RBFOX2: variants seen among roughly 807,000 people sequenced by gnomAD.
The protein encoded by RBFOX2 is RNA binding protein fox-1 homolog 2.
Under a neutral mutation model 49.1 loss-of-function variants are expected in RBFOX2, and 10 were observed. The ratio of observed to expected loss-of-function variants is 0.20; its 90% CI spans 0.13 to 0.35. RBFOX2 has a LOEUF of 0.35. Ranked by LOEUF, RBFOX2 falls within the 10% of genes least tolerant of loss-of-function variation. The pLI is 1.00. For missense variants in RBFOX2, 323 were observed against 486.9 expected (o/e 0.66, Z 3.17); for synonymous variants, 183 against 187.4 (o/e 0.98, Z 0.19).
At chr22:35,880,953 A>G (rs890709678) in intron 1 of RBFOX2, among the ~76,000 whole-genome samples, 3 of 152,190 alleles carry the variant, frequency 2.0e-5, no homozygotes, top group African/African-American at 7.2e-5. Flanking sequence ...CTGTAGGGGT[A>G]ATATCTAATT....
rs186600426 is a variant in RBFOX2 at position 36,006,642 on chromosome 22, C to T, written c.186+21598G>A. ...AGTGTGCGGATGAACTAACTACCAACGACACTTTGGGCAAATCCCTTGCTC... is the reference window on the plus strand; with the variant it reads ...AGTGTGCGGATGAACTAACTACCAATGACACTTTGGGCAAATCCCTTGCTC... On this transcript the variant is annotated intron_variant, in intron 1 of 13. Coordinates refer to the RBFOX2 transcript ENST00000438146. Among the ~76,000 whole-genome samples the T allele has an allele frequency of 3.8e-3, 574 of 152,328 alleles. 7 individuals carry two copies. The highest frequency in any genetic ancestry group is 0.034 in the Middle Eastern group (10 of 294).
At chr22:35,887,444 T>C (rs1283851084) in intron 1 of RBFOX2, among the ~76,000 whole-genome samples, 1 of 152,156 alleles carries the variant, frequency 6.6e-6, no homozygotes, top group Non-Finnish European at 1.5e-5. Flanking sequence ...TTCTGTGATA[T>C]TCTCTTTACT....
intron 1 of RBFOX2, among the ~76,000 whole-genome samples, chr22:36,002,350 G>A (rs1186067089): frequency 2.0e-5 from 3 of 151,892 alleles, no homozygotes; most frequent in Non-Finnish European, 2.9e-5. Flanking sequence ...CCTAAATGTC[G>A]AGCAATAGGA....
rs200559645 is a variant in RBFOX2 at position 35,762,266 on chromosome 22, G to T, written c.608-798C>A. On this transcript the variant is annotated intron_variant, in intron 6 of 11. Coordinates refer to ENST00000405409, the Ensembl canonical transcript of RBFOX2. ...TTCTTTCCCTTTTTTATATTTATAG[G>T]AATATGGCAAGTATTTTTTAAAAAG... Among the ~76,000 whole-genome samples the T allele has an allele frequency of 9.2e-5, 14 of 152,026 alleles. No homozygotes were observed. The East Asian group carries it at 2.5e-3, about 27-fold the overall frequency.
At position 35,824,569 on chromosome 22, in the gene RBFOX2, A is replaced by G. The variant is rs1484598029; in HGVS notation, c.28-14565T>C. On this transcript the variant is annotated intron_variant, in intron 1 of 11. Coordinates refer to ENST00000405409, the Ensembl canonical transcript of RBFOX2. ...GGAGAAGAAATGGGAGTCCTATGTT[A>G]GAAGTAGTCATCAGAAATGCTATTA... 2.0e-5 allele frequency among the ~76,000 whole-genome samples: 3 copies of G among 152,218 alleles called. No homozygotes were observed. In the East Asian group the frequency reaches 5.8e-4, roughly 29 times the overall value.
At chr22:35,919,722 C>T (rs1305717579) in intron 1 of RBFOX2, among the ~76,000 whole-genome samples, 1 of 152,056 alleles carries the variant, frequency 6.6e-6, no homozygotes, top group Non-Finnish European at 1.5e-5. Context: ...TTTTAAAGTG[C>T]CCTTGGAGAG....
chr22:35,932,635 C>T (rs2052563152), intron 1 of RBFOX2, among the ~76,000 whole-genome samples: 7 of 152,184 alleles, frequency 4.6e-5, no homozygotes, highest in Admixed American at 4.6e-4. Flanking sequence ...AATTCCAGCA[C>T]TTTGGGAGGC....
chr22:35,913,445 C>T (rs889086282), intron 1 of RBFOX2, among the ~76,000 whole-genome samples: 3 of 151,230 alleles, frequency 2.0e-5, no homozygotes, highest in Non-Finnish European at 4.4e-5. Context: ...TAAGGGAGCG[C>T]CTAACAGGAT....
At chr22:35,832,177 G>C (rs1956928099) in intron 1 of RBFOX2, among the ~76,000 whole-genome samples, 1 of 152,190 alleles carries the variant, frequency 6.6e-6, no homozygotes, top group South Asian at 2.1e-4. Context: ...TTCAAGACCA[G>C]TCTGGCCAAC....
intron 2 of RBFOX2, among the ~76,000 whole-genome samples, chr22:35,809,175 T>C (rs564212029): frequency 4.6e-5 from 7 of 152,164 alleles, no homozygotes; most frequent in Admixed American, 2.6e-4. Context: ...TTCTTTTAAA[T>C]TTCCTAACAG....
intron 2 of RBFOX2, among the ~76,000 whole-genome samples, chr22:35,786,627 C>T (rs539828689): frequency 1.3e-5 from 2 of 152,276 alleles, no homozygotes; most frequent in South Asian, 2.1e-4. Context: ...GGATTACAGG[C>T]GTGAGCCACA....
chr22:35,863,684 T>C (rs1287937865), intron 1 of RBFOX2, among the ~76,000 whole-genome samples: 1 of 152,220 alleles, frequency 6.6e-6, no homozygotes, highest in African/African-American at 2.4e-5. Flanking sequence ...TAATCTCTTC[T>C]GACTTTGATT....
At chr22:35,758,833 G>A (rs1489119481) in intron 9 of RBFOX2, among the ~76,000 whole-genome samples, 1 of 152,160 alleles carries the variant, frequency 6.6e-6, no homozygotes, top group Non-Finnish European at 1.5e-5. Flanking sequence ...ATGAATGAAT[G>A]AATGAATGCT....
intron 1 of RBFOX2, among the ~76,000 whole-genome samples, chr22:36,005,678 C>A (rs2058593862): frequency 6.6e-6 from 1 of 152,176 alleles, no homozygotes; most frequent in Non-Finnish European, 1.5e-5. Flanking sequence ...ATGTGTTCCA[C>A]TGAAAAAATC....
intron 1 of RBFOX2, among the ~76,000 whole-genome samples, chr22:35,912,196 G>C (rs931228978): frequency 6.6e-6 from 1 of 152,168 alleles, no homozygotes; most frequent in Admixed American, 6.5e-5. Flanking sequence ...TCTCTTATAT[G>C]AATCTCTCAG....
exon 12 of RBFOX2, chr22:35,738,736 T>C (rs1928254363): frequency 7.0e-6 from 1 of 141,924 alleles, no homozygotes. Flanking sequence ...GCCCAAAGAA[T>C]GGTGTTTCTC....
intron 1 of RBFOX2, among the ~76,000 whole-genome samples, chr22:36,025,494 A>AGTGAAC (rs1304635350): frequency 6.6e-6 from 1 of 152,194 alleles, no homozygotes; most frequent in Non-Finnish European, 1.5e-5. Flanking sequence ...CCATGACAGC[A>AGTGAAC]AGGGTTTTTT....
At chr22:35,871,740 G>A (rs1275967645) in intron 1 of RBFOX2, among the ~76,000 whole-genome samples, 1 of 152,176 alleles carries the variant, frequency 6.6e-6, no homozygotes, top group African/African-American at 2.4e-5. Flanking sequence ...TTCAGAGTTG[G>A]CTCAGGTTCC....
At chr22:35,991,192 G>A (rs929574874) in intron 1 of RBFOX2, among the ~76,000 whole-genome samples, 1 of 152,144 alleles carries the variant, frequency 6.6e-6, no homozygotes, top group African/African-American at 2.4e-5. Flanking sequence ...ATTTAGTTAA[G>A]AGAAAGGAGT....
Sources: allele counts gnomAD v4.1 joint callset (sites outside exome capture counted in the v4.1 genomes callset), GRCh38; gene constraint gnomAD v4.1.1; transcripts MANE v1.5; gene names NCBI Gene and HGNC (gene_info 2026-07-23, HGNC 2026-07-21).